Variants in LRP5 observed in about 807,000 individuals in gnomAD.
LRP5 encodes LDL receptor related protein 5.
Under a neutral mutation model 154.1 loss-of-function variants are expected in LRP5, and 62 were observed. The ratio of observed to expected loss-of-function variants is 0.40; its 90% CI spans 0.33 to 0.50. The LOEUF (loss-of-function observed/expected upper bound fraction) is 0.50. Among genes scored for constraint, LRP5 ranks in the 20% least tolerant of loss-of-function variants. The pLI is 0.55. For synonymous variants in LRP5, 966 were observed against 1,011.5 expected (o/e 0.96, Z 0.85); for missense variants, 1,915 against 2,336.7 (o/e 0.82, Z 3.72).
chr11:68,421,781 GGT>G (rs1217468331), intron 13 of LRP5, among the ~76,000 whole-genome samples: 8 of 132,410 alleles, frequency 6.0e-5, no homozygotes, highest in Non-Finnish European at 1.1e-4. Flanking sequence ...TCCATCTGGG[GGT>G]GTGTGTGTGT....
chr11:68,444,147 G>A (rs2098680177), intron 21 of LRP5, among the ~76,000 whole-genome samples: 1 of 152,154 alleles, frequency 6.6e-6, no homozygotes, highest in African/African-American at 2.4e-5. Context: ...AACAGAGAAA[G>A]TTCCGTCTAC....
intron 14 of LRP5, 124 bp from the exon 15 acceptor site, chr11:68,424,978 C>G: frequency 1.3e-6 from 1 of 742,412 alleles, no homozygotes; most frequent in Middle Eastern, 2.5e-4. Flanking sequence ...AGAATGTGAC[C>G]TGTCAGCCTC....
the LRP5 span, among the ~76,000 whole-genome samples, chr11:68,302,551 A>G: frequency 6.6e-6 from 1 of 152,090 alleles, no homozygotes; most frequent in Non-Finnish European, 1.5e-5. Context: ...CCTCAGTTCT[A>G]GGTAAACCAG....
chr11:68,341,015 C>T lies in LRP5; in HGVS notation c.92-6832C>T, dbSNP rs144258699. Reference sequence around the variant, plus strand: ...TTACTAGTTAATTGGTGCTACCTTTCCACGGAGACAATAGTCTAGTTACCC... The same window carrying T: ...TTACTAGTTAATTGGTGCTACCTTTTCACGGAGACAATAGTCTAGTTACCC... On this transcript the variant is annotated intron_variant, in intron 1 of 22. Coordinates refer to ENST00000294304, the MANE Select transcript of LRP5 (RefSeq NM_002335.4). Among the ~76,000 whole-genome samples, 442 of 143,306 alleles carry T rather than the reference C, an allele frequency of 3.1e-3. 3 individuals carry two copies. The highest frequency in any genetic ancestry group is 0.011 in the African/African-American group (421 of 37,730). The allele number at this position is 143,306 out of a possible 152,430, so 94.0% of individuals were successfully genotyped here.
chr11:68,338,955 C>T (rs1468620056), intron 1 of LRP5, among the ~76,000 whole-genome samples: 1 of 129,196 alleles, frequency 7.7e-6, no homozygotes, highest in African/African-American at 2.8e-5. Context: ...CTCACTGCAA[C>T]CTCCGCTTCC....
At chr11:68,362,292 G>A (rs2098628524) in intron 3 of LRP5, among the ~76,000 whole-genome samples, 1 of 152,230 alleles carries the variant, frequency 6.6e-6, no homozygotes, top group Admixed American at 6.5e-5. Flanking sequence ...GCCGGGTGTG[G>A]GGTTTGCCTG....
chr11:68,446,590 A>C, intron 22 of LRP5, 57 bp downstream of exon 22: 1 of 1,437,820 alleles, frequency 7.0e-7, no homozygotes, highest in Non-Finnish European at 9.8e-7. Flanking sequence ...CCCGTGGTGG[A>C]GGGGCCTAAT....
At chr11:68,427,736 C>T (rs1459400618) in intron 16 of LRP5, among the ~76,000 whole-genome samples, 1 of 151,492 alleles carries the variant, frequency 6.6e-6, no homozygotes, top group South Asian at 2.1e-4. Flanking sequence ...CCAAAAAAAC[C>T]GAACACTGAA....
In LRP5 at chr11:68,426,054, C is replaced by T. The variant is rs1377375108; in HGVS notation, c.3504C>T (p.Tyr1168=). ...LGLTILGKHL[Y]WIDRQQQMIE... is the part of the protein sequence containing the mutation. ...TGACCATCCTTGGCAAGCATCTCTA[C>T]TGGATCGACCGCCAGCAGCAGATGA... The change falls in exon 16 of 23, where the codon TAC becomes TAT. Residue 1168 remains tyrosine (Y), a synonymous_variant. Coordinates refer to ENST00000294304, the MANE Select transcript of LRP5 (RefSeq NM_002335.4). 6.2e-7 allele frequency: 1 copy of T among 1,613,704 alleles called. No individual in the cohort carries two copies. Among genetic ancestry groups the T allele is most frequent in the Admixed American group, 1.7e-5 (1 of 60,032 alleles).
rs764447598 is a variant in LRP5 at position 68,448,889 on chromosome 11, G to T, written c.4667G>T (p.Arg1556Leu). ...TGTGACAGCGACTACAGCGCCAGCC[G>T]CTGGAAGGCCAGCAAGTACTACCTG... ...DVCDSDYSAS[R>L]WKASKYYLDL... The change falls in exon 23 of 23, where the codon CGC (arginine) becomes CTC (leucine). Residue 1556 changes from arginine (R) to leucine (L), a missense_variant. Transcript: ENST00000294304. 3 of 1,613,300 alleles carry T rather than the reference G, an allele frequency of 1.9e-6. No individual in the cohort carries two copies. Among genetic ancestry groups the T allele is most frequent in the Non-Finnish European group, 2.5e-6 (3 of 1,180,002 alleles).
chr11:68,319,744 TGAG>T (rs1262483237), intron 1 of LRP5, among the ~76,000 whole-genome samples: 1 of 152,184 alleles, frequency 6.6e-6, no homozygotes, highest in Non-Finnish European at 1.5e-5. Context: ...TTTACCTGAT[TGAG>T]GAGTTTTTCC....
At position 68,312,746 on chromosome 11, in the gene LRP5, CGCTGCTGCT is replaced by C. The variant is rs72555376; in HGVS notation, c.52_60del (p.Leu18_Leu20del). 13,832 of 1,061,146 alleles carry C rather than the reference CGCTGCTGCT, an allele frequency of 0.013. 75 individuals are homozygous for C. The highest frequency in any genetic ancestry group is 0.015 in the Non-Finnish European group (12,965 of 876,368). 65.7% of individuals were successfully genotyped at this position (1,061,146 alleles called of 1,614,324 possible). A position where few individuals can be genotyped will look rare whatever the true frequency, so the allele number is the denominator to read the frequency against. On this transcript the variant is annotated inframe_deletion, in exon 1 of 23. Coordinates refer to ENST00000294304, the MANE Select transcript of LRP5 (RefSeq NM_002335.4). ...GCAGCGCCGCCCGGGCCGCCGTGGCCGCTGCTGCTGCTGCTGCTGCTGCTGCTGGCGCTG... is the reference window on the plus strand; with the variant it reads ...GCAGCGCCGCCCGGGCCGCCGTGGCCGCTGCTGCTGCTGCTGCTGGCGCTG...
chr11:68,311,294 G>A (rs774991399), upstream of LRP5, among the ~76,000 whole-genome samples: 1 of 152,146 alleles, frequency 6.6e-6, no homozygotes, highest in Non-Finnish European at 1.5e-5. Flanking sequence ...GGCCTCTCCT[G>A]TACCTTCTAC....
At position 68,403,616 on chromosome 11, in the gene LRP5, A is replaced by G. The variant is rs1439971977; in HGVS notation, c.1718A>G (p.Lys573Arg). 1.2e-6 allele frequency: 2 copies of G among 1,614,070 alleles called. No homozygotes were observed. The highest frequency in any genetic ancestry group is 1.7e-6 in the Non-Finnish European group (2 of 1,180,058). ...WQRRSIERVH[K>R]VKASRDVIID... ...CGCCGCAGCATCGAGCGGGTGCACA[A>G]GGTCAAGGCCAGCCGGGACGTCATC... is the stretch of plus-strand genomic sequence containing the variant. The change falls in exon 8 of 23, where the codon AAG becomes AGG. Residue 573 changes from lysine to arginine, a missense_variant. Lys to Arg is a conservative substitution (Grantham distance 26, BLOSUM62 2). Coordinates refer to ENST00000294304, the MANE Select transcript of LRP5 (RefSeq NM_002335.4).
At chr11:68,421,256 G>T (rs1298450372) in intron 13 of LRP5, among the ~76,000 whole-genome samples, 4 of 151,450 alleles carry the variant, frequency 2.6e-5, no homozygotes, top group Admixed American at 2.6e-4. Context: ...GCAAGACTCC[G>T]TCTCAAAAAA....
chr11:68,409,073 A>ATATATATATATATATATATAT (rs1200045346), intron 9 of LRP5, among the ~76,000 whole-genome samples: 2 of 44,178 alleles, frequency 4.5e-5, no homozygotes, highest in African/African-American at 2.6e-4. Flanking sequence ...AAAAAAAAAA[A>ATATATATATATATATATATAT]ATATATATAT....
intron 1 of LRP5, among the ~76,000 whole-genome samples, chr11:68,313,537 C>T (rs996108953): frequency 1.3e-5 from 2 of 152,190 alleles, no homozygotes; most frequent in African/African-American, 4.8e-5. Context: ...GGAACTTTCT[C>T]TCCAACTTTT....
At chr11:68,331,122 A>G (rs1284407608) in intron 1 of LRP5, among the ~76,000 whole-genome samples, 2 of 152,176 alleles carry the variant, frequency 1.3e-5, no homozygotes, top group South Asian at 4.1e-4. Context: ...TAAAATGGTA[A>G]TTATGCTCCA....
At chr11:68,334,950 A>G (rs1322904613) in intron 1 of LRP5, among the ~76,000 whole-genome samples, 1 of 152,180 alleles carries the variant, frequency 6.6e-6, no homozygotes, top group Non-Finnish European at 1.5e-5. Flanking sequence ...GTTATGCTCC[A>G]TAAAGTCACT....
Sources: allele counts gnomAD v4.1 joint callset (sites outside exome capture counted in the v4.1 genomes callset), GRCh38; gene constraint gnomAD v4.1.1; transcripts MANE v1.5; gene names NCBI Gene and HGNC (gene_info 2026-07-23, HGNC 2026-07-21).